LCOR: variants seen among roughly 807,000 people sequenced by gnomAD.
LCOR encodes the protein ligand-dependent corepressor.
A neutral mutation model predicts 64.4 loss-of-function variants in LCOR; 14 were observed. The observed-to-expected ratio is 0.22, with a 90% confidence interval of 0.14 to 0.34. LCOR has a LOEUF of 0.34. Ranked by LOEUF, LCOR falls within the 10% of genes least tolerant of loss-of-function variation. LCOR has a pLI of 1.00. For synonymous variants in LCOR, 643 were observed against 642.5 expected, an observed-to-expected ratio of 1.00 and a Z score of -0.01; for missense variants, 1,686 against 1,765.3, an observed-to-expected ratio of 0.96 and a Z score of 0.80.
chr10:96,960,920 A>C (rs1488495258), intron 7 of LCOR: 1 of 152,156 alleles, frequency 6.6e-6, no homozygotes, highest in Non-Finnish European at 1.5e-5. Flanking sequence ...AGAAAAATAG[A>C]GGACATTATT....
chr10:96,872,843 T>G (rs1034622881), intron 2 of LCOR, among the ~76,000 whole-genome samples: 1 of 152,196 alleles, frequency 6.6e-6, no homozygotes, highest in Non-Finnish European at 1.5e-5. Context: ...ATAAGCTGTT[T>G]GGGGTTGGGC....
chr10:96,848,103 C>A (rs1845663566), intron 2 of LCOR, among the ~76,000 whole-genome samples: 1 of 152,150 alleles, frequency 6.6e-6, no homozygotes, highest in Non-Finnish European at 1.5e-5. Context: ...CTAAGTCAGC[C>A]TGTATTTTGT....
At chr10:96,889,243 G>A (rs1564616245) in intron 2 of LCOR, among the ~76,000 whole-genome samples, 1 of 152,158 alleles carries the variant, frequency 6.6e-6, no homozygotes, top group East Asian at 1.9e-4. Context: ...TACAATATAT[G>A]GCCTTTTGTG....
chr10:96,957,234 A>AT, intron 7 of LCOR: 1 of 985,076 alleles, frequency 1.0e-6, no homozygotes, highest in Non-Finnish European at 1.2e-6. Context: ...ATCCTACATA[A>AT]TACCCCCCTT....
At chr10:96,838,582 T>C (rs1034532568) in intron 2 of LCOR, among the ~76,000 whole-genome samples, 3 of 152,262 alleles carry the variant, frequency 2.0e-5, no homozygotes, top group African/African-American at 4.8e-5. Context: ...TCATACAATA[T>C]ATGGCTTTTT....
intron 4 of LCOR, among the ~76,000 whole-genome samples, chr10:96,919,244 A>T (rs193243170): frequency 1.1e-3 from 165 of 152,338 alleles, no homozygotes; most frequent in Admixed American, 0.011. Flanking sequence ...TTAGAGTTCC[A>T]TAGAGCCTCA....
chr10:96,949,375 G>A (rs2134523237), intron 6 of LCOR, 80 bp downstream of exon 6: 1 of 1,269,986 alleles, frequency 7.9e-7, no homozygotes, highest in Admixed American at 2.0e-5. Context: ...TTGGCAAGTA[G>A]AGCATCAGCA....
At chr10:96,958,539 A>G (rs1847820736) in intron 7 of LCOR, 6 of 707,832 alleles carry the variant, frequency 8.5e-6, no homozygotes, top group African/African-American at 3.5e-5. Flanking sequence ...GAGTACTTCT[A>G]TTATTTGTTT....
At chr10:96,920,660 A>ATGTATATATGTATATATTCATATATG (rs1847052227) in intron 4 of LCOR, among the ~76,000 whole-genome samples, 1 of 135,058 alleles carries the variant, frequency 7.4e-6, no homozygotes, top group Admixed American at 7.3e-5. Flanking sequence ...ATGTGTATAT[A>ATGTATATATGTATATATTCATATATG]TGTATATATG....
At chr10:96,916,587 CTATATA>C (rs71976703) in intron 4 of LCOR, among the ~76,000 whole-genome samples, 3 of 138,256 alleles carry the variant, frequency 2.2e-5, no homozygotes, top group East Asian at 2.3e-4. Flanking sequence ...TATTTAAAGG[CTATATA>C]TATATATATA....
intron 2 of LCOR, among the ~76,000 whole-genome samples, chr10:96,857,357 TA>T (rs1308895438): frequency 6.6e-6 from 1 of 152,178 alleles, no homozygotes; most frequent in Non-Finnish European, 1.5e-5. Flanking sequence ...AGTATGCCAT[TA>T]TCCCATGTGT....
chr10:96,941,011 C>T (rs1464919646), intron 4 of LCOR, among the ~76,000 whole-genome samples: 21 of 125,224 alleles, frequency 1.7e-4, no homozygotes, highest in East Asian at 1.0e-3. Flanking sequence ...GGCGGCCGGC[C>T]GGGCGGGGGG....
intron 2 of LCOR, among the ~76,000 whole-genome samples, chr10:96,844,082 A>G (rs1357345683): frequency 3.2e-5 from 4 of 126,434 alleles, no homozygotes; most frequent in Admixed American, 1.5e-4. Flanking sequence ...TAACCTACCT[A>G]CCTTCCCACC....
At chr10:96,964,273 C>T (rs1462213209) in intron 7 of LCOR, 1 of 144,776 alleles carries the variant, frequency 6.9e-6, no homozygotes, top group Non-Finnish European at 1.5e-5. Flanking sequence ...ATGTCAAAAG[C>T]GCTTGTTCTT....
chr10:96,878,941 C>T (rs112977265), intron 2 of LCOR, among the ~76,000 whole-genome samples: 21,566 of 151,894 alleles, frequency 0.14, 2,094 homozygotes, highest in African/African-American at 0.27. Context: ...GGACTACAGG[C>T]TCACACCACC....
chr10:96,975,113 G>A (rs1037078220), intron 7 of LCOR, among the ~76,000 whole-genome samples: 1 of 152,208 alleles, frequency 6.6e-6, no homozygotes. Context: ...GGCGGTTGCC[G>A]TGAGCCAAGA....
Position 96,989,349 on chromosome 10 carries a change from G to A in LCOR, c.*4215G>A, listed in dbSNP as rs973329369. 1 of 147,282 alleles carries A rather than the reference G, an allele frequency of 6.8e-6. No homozygotes were observed. Among genetic ancestry groups the A allele is most frequent in the African/African-American group, 2.6e-5 (1 of 38,000 alleles). The allele number at this position is 147,282 out of a possible 1,614,324, so 9.1% of individuals were successfully genotyped here. A position where few individuals can be genotyped will look rare whatever the true frequency, so the allele number is the denominator to read the frequency against. ...GTTTATTAAAGTAAGCCAAGATTTT[G>A]TTTCTGGTAAAATTAGTTGAGACTA... is the stretch of plus-strand genomic sequence containing the variant. On this transcript the variant is annotated 3_prime_UTR_variant, in exon 8 of 8. Coordinates refer to ENST00000421806, the MANE Select transcript of LCOR (RefSeq NM_001346516.2).
chr10:96,908,936 C>T (rs998867139), intron 4 of LCOR, among the ~76,000 whole-genome samples: 4 of 152,096 alleles, frequency 2.6e-5, no homozygotes, highest in Admixed American at 2.0e-4. Flanking sequence ...AGGATGGTCT[C>T]GATCTCCTGA....
chr10:96,886,459 G>A (rs931682324), intron 2 of LCOR, among the ~76,000 whole-genome samples: 6 of 152,114 alleles, frequency 3.9e-5, no homozygotes, highest in African/African-American at 1.2e-4. Context: ...CAGATTTTCC[G>A]ATTAGGGATT....
Sources: gnomAD v4.1 joint callset for allele counts (sites outside exome capture counted in the v4.1 genomes callset) on GRCh38, gnomAD v4.1.1 for gene constraint, MANE v1.5 for transcripts, NCBI Gene and HGNC (gene_info 2026-07-23, HGNC 2026-07-21) for gene names.